The following MGARP variants were observed in gnomAD, a reference collection of about 807,000 sequenced individuals.
The protein encoded by MGARP is mitochondria localized glutamic acid rich protein.
Under a neutral mutation model 11.0 loss-of-function variants are expected in MGARP, and 12 were observed. That is an observed-to-expected ratio of 1.09 (90% CI 0.70 to 1.77). The LOEUF is 1.77. Among genes scored for constraint, MGARP ranks in the 40% most tolerant of loss-of-function variants. The pLI, the probability that MGARP is intolerant of heterozygous loss-of-function variation, is 0.00. For synonymous variants in MGARP, 110 were observed against 115.4 expected (o/e 0.95, Z 0.30); for missense variants, 283 against 297.8 (o/e 0.95, Z 0.36).
intron 3 of MGARP, among the ~76,000 whole-genome samples, chr4:139,267,249 G>C (rs142234363): frequency 4.6e-5 from 7 of 152,090 alleles, no homozygotes; most frequent in Non-Finnish European, 8.8e-5. Flanking sequence ...GAGCAGGAGG[G>C]GGGTAAGTTG....
Position 139,266,602 on chromosome 4 carries a change from GC to G in MGARP, c.719del (p.Gly240AlafsTer29). 4.3e-6 allele frequency: 7 copies of G among 1,611,598 alleles called. No individual in the cohort carries two copies. The highest frequency in any genetic ancestry group is 5.9e-6 in the Non-Finnish European group (7 of 1,179,000). On this transcript the variant is annotated frameshift_variant, in exon 4 of 4. Coordinates refer to ENST00000398955, the MANE Select transcript of MGARP (RefSeq NM_032623.4). LOFTEE classifies it high-confidence loss of function. ...SVGSEAASAQ[G>X] ...TGAAATGTCTACCGGCTGGAGATTA[GC>G]CTTGAGCCGAAGCAGCCTCAGAGCC...
At chr4:139,267,359 C>G (rs1045438245) in intron 3 of MGARP, among the ~76,000 whole-genome samples, 2 of 151,810 alleles carry the variant, frequency 1.3e-5, no homozygotes, top group African/African-American at 4.8e-5. Flanking sequence ...ATCTGCTTTT[C>G]TGTAAACTCT....
chr4:139,279,882 T>C (rs898961630), intron 1 of MGARP, among the ~76,000 whole-genome samples, 195 bp downstream of exon 1: 2 of 152,162 alleles, frequency 1.3e-5, no homozygotes, highest in African/African-American at 4.8e-5. Context: ...CCTGGAAAAG[T>C]TCCCTACTTC....
rs185925551 is a variant in MGARP, at chr4:139,266,830, C to T, written c.492G>A (p.Ala164=). 455 of 1,613,712 alleles carry T rather than the reference C, an allele frequency of 2.8e-4. 4 individuals carry two copies. Among genetic ancestry groups the T allele is most frequent in the African/African-American group, 5.3e-5 (4 of 75,028 alleles). ...GGTTTACTTCCGTGGTTTCCCTCGC[C>T]GCTGCATCTGTGACCTCTGGCCCGG... ...AETGPEVTDA[A]ARETTEVNPE... The change falls in exon 4 of 4, where the codon GCG becomes GCA. Residue 164 remains alanine (A), a synonymous_variant. Transcript: ENST00000398955.
At chr4:139,268,295 A>G (rs1471820315) in intron 3 of MGARP, among the ~76,000 whole-genome samples, 1 of 152,254 alleles carries the variant, frequency 6.6e-6, no homozygotes, top group Non-Finnish European at 1.5e-5. Context: ...AAAGGCACAC[A>G]GGTGGTCTTA....
intron 3 of MGARP, among the ~76,000 whole-genome samples, chr4:139,267,834 T>C (rs1241528155): frequency 3.3e-5 from 5 of 152,144 alleles, no homozygotes; most frequent in Non-Finnish European, 7.3e-5. Context: ...AAGAAGTGGC[T>C]AGGCATAGTG....
At chr4:139,269,630 C>CAAAAAAA (rs56142345) in intron 2 of MGARP, among the ~76,000 whole-genome samples, 9 of 81,606 alleles carry the variant, frequency 1.1e-4, no homozygotes, top group East Asian at 8.1e-4. Flanking sequence ...GACTCCATCT[C>CAAAAAAA]AAAAAAAAAA....
Position 139,274,995 on chromosome 4 carries a change from C to T in MGARP, c.186+294G>A, listed in dbSNP as rs535786859. 5.3e-5 allele frequency among the ~76,000 whole-genome samples: 8 copies of T among 152,106 alleles called. No homozygotes were observed. The East Asian group carries it at 1.2e-3, about 22-fold the overall frequency. On this transcript the variant is annotated intron_variant, in intron 2 of 3. Transcript: ENST00000398955. ...ATGGTATTAAGAAATGCTGACTTTA[C>T]AAATACAAAAATCTTCATAATTTAG...
chr4:139,278,890 C>A (rs1409955955), intron 1 of MGARP, among the ~76,000 whole-genome samples: 1 of 152,090 alleles, frequency 6.6e-6, no homozygotes. Flanking sequence ...CAGCATTTTA[C>A]AAGAAAAATA....
intron 1 of MGARP, 34 bp downstream of exon 1, chr4:139,280,043 C>T (rs757478988): frequency 6.2e-7 from 1 of 1,607,852 alleles, no homozygotes; most frequent in Non-Finnish European, 8.5e-7. Flanking sequence ...CCGAGGCGCC[C>T]GTCCTCCTCT....
At chr4:139,277,155 G>T (rs978651093) in intron 1 of MGARP, among the ~76,000 whole-genome samples, 1 of 152,064 alleles carries the variant, frequency 6.6e-6, no homozygotes, top group African/African-American at 2.4e-5. Flanking sequence ...TAGATTTTTG[G>T]ATTAAGCATG....
At chr4:139,274,889 G>C (rs1744843263) in intron 2 of MGARP, among the ~76,000 whole-genome samples, 2 of 152,078 alleles carry the variant, frequency 1.3e-5, no homozygotes, top group South Asian at 2.1e-4. Flanking sequence ...CAGGAGTCTG[G>C]CATATGATAA....
chr4:139,276,141 T>C (rs1744870015), intron 1 of MGARP, among the ~76,000 whole-genome samples: 1 of 152,222 alleles, frequency 6.6e-6, no homozygotes, highest in Non-Finnish European at 1.5e-5. Flanking sequence ...TTAAAGTATA[T>C]ACAACTCAAA....
intron 1 of MGARP, among the ~76,000 whole-genome samples, chr4:139,279,284 A>G (rs1027669322): frequency 1.3e-5 from 2 of 152,104 alleles, no homozygotes; most frequent in Non-Finnish European, 2.9e-5. Flanking sequence ...GCGCTTTCCT[A>G]TATGTCCGTT....
chr4:139,278,631 G>T (rs1408614637), intron 1 of MGARP, among the ~76,000 whole-genome samples: 2 of 152,196 alleles, frequency 1.3e-5, no homozygotes, highest in African/African-American at 4.8e-5. Context: ...CATGATGTCG[G>T]TGGGGAACGC....
chr4:139,277,993 C>T lies in MGARP; in HGVS notation c.82+2084G>A, dbSNP rs138700072. ...CTGTAATCCCAGCACTTTGGGAGGC[C>T]GAGGTAGGTGGATCACCTTAGGTTG... On this transcript the variant is annotated intron_variant, in intron 1 of 3. Coordinates refer to ENST00000398955, the MANE Select transcript of MGARP (RefSeq NM_032623.4). 2.5e-3 allele frequency among the ~76,000 whole-genome samples: 387 copies of T among 152,030 alleles called. 2 individuals carry two copies. The highest frequency in any genetic ancestry group is 8.1e-3 in the African/African-American group (338 of 41,480).
At chr4:139,272,714 G>A (rs1477903641) in intron 2 of MGARP, among the ~76,000 whole-genome samples, 1 of 127,458 alleles carries the variant, frequency 7.8e-6, no homozygotes, top group Non-Finnish European at 1.6e-5. Flanking sequence ...TTGAGACGGA[G>A]TCTCACTCTG....
chr4:139,267,363 A>T (rs907418453), intron 3 of MGARP, among the ~76,000 whole-genome samples: 1 of 151,656 alleles, frequency 6.6e-6, no homozygotes, highest in African/African-American at 2.4e-5. Flanking sequence ...GCTTTTCTGT[A>T]AACTCTTTGA....
At chr4:139,279,397 T>C (rs1187383579) in intron 1 of MGARP, among the ~76,000 whole-genome samples, 1 of 152,214 alleles carries the variant, frequency 6.6e-6, no homozygotes, top group Non-Finnish European at 1.5e-5. Flanking sequence ...GTGTCGATAT[T>C]TGGACTACAG....
Sources: allele counts gnomAD v4.1 joint callset (sites outside exome capture counted in the v4.1 genomes callset), GRCh38; gene constraint gnomAD v4.1.1; transcripts MANE v1.5; gene names NCBI Gene and HGNC (gene_info 2026-07-23, HGNC 2026-07-21).